CLASP1: variants seen among roughly 807,000 people sequenced by gnomAD.
CLASP1 encodes CLIP-associating protein 1.
Under a neutral mutation model 192.3 loss-of-function variants are expected in CLASP1, and 38 were observed. That is an observed-to-expected ratio of 0.20 (90% CI 0.15 to 0.26). The LOEUF is 0.26. Ranked by LOEUF, CLASP1 falls within the 10% of genes least tolerant of loss-of-function variation. The pLI is 1.00. For missense variants in CLASP1, 1,433 were observed against 1,932.5 expected, an observed-to-expected ratio of 0.74 and a Z score of 4.85; for synonymous variants, 691 against 712.8, an observed-to-expected ratio of 0.97 and a Z score of 0.49.
chr2:121,641,726 T>C (rs2072121242), intron 1 of CLASP1, among the ~76,000 whole-genome samples: 1 of 152,210 alleles, frequency 6.6e-6, no homozygotes, highest in South Asian at 2.1e-4. Context: ...CTACACCTCA[T>C]ATAATAGCAA....
intron 8 of CLASP1, among the ~76,000 whole-genome samples, chr2:121,484,139 GA>G (rs2092811735): frequency 6.6e-6 from 1 of 152,128 alleles, no homozygotes; most frequent in Non-Finnish European, 1.5e-5. Context: ...TAAGGTACAG[GA>G]TATCTTTAAA....
chr2:121,363,719 C>CAACACAGCCTGTAAG (rs145921747), intron 36 of CLASP1, among the ~76,000 whole-genome samples: 5,623 of 152,266 alleles, frequency 0.037, 153 homozygotes, highest in East Asian at 0.14. Flanking sequence ...GATGTTTCAT[C>CAACACAGCCTGTAAG]AACACAGCCT....
rs184714621 is a variant in CLASP1, at chr2:121,497,465, A to G, written c.712+5702T>C. 3.3e-5 allele frequency among the ~76,000 whole-genome samples: 5 copies of G among 152,344 alleles called. No individual in the cohort carries two copies. In the East Asian group the frequency reaches 9.6e-4, roughly 29 times the overall value. On this transcript the variant is annotated intron_variant, in intron 8 of 39. Transcript: ENST00000263710. ...TGTCAGACAGGTAGCTGTTTCACAT[A>G]CAGTTCCAATCCTGTACCAAGATCT...
At chr2:121,363,335 C>T in intron 36 of CLASP1, 35 bp from the exon 38 acceptor site, 1 of 1,610,094 alleles carries the variant, frequency 6.2e-7, no homozygotes, top group Non-Finnish European at 8.5e-7. Flanking sequence ...CATCACCAAA[C>T]ACCACACAGC....
At chr2:121,410,399 A>T (rs189690650) in intron 24 of CLASP1, among the ~76,000 whole-genome samples, 60 of 152,326 alleles carry the variant, frequency 3.9e-4, no homozygotes, top group African/African-American at 1.4e-3. Context: ...ATAAAATCAA[A>T]CAGACAAGAT....
intron 37 of CLASP1, among the ~76,000 whole-genome samples, chr2:121,361,893 T>C (rs2066477418): frequency 6.6e-6 from 1 of 152,252 alleles, no homozygotes; most frequent in South Asian, 2.1e-4. Context: ...CCATCCCCTG[T>C]GTACTGTGTG....
At chr2:121,404,010 C>T (rs925660394) in intron 26 of CLASP1, among the ~76,000 whole-genome samples, 2 of 152,144 alleles carry the variant, frequency 1.3e-5, no homozygotes, top group South Asian at 2.1e-4. Context: ...ATTTTCTTCA[C>T]TACTATAACA....
chr2:121,609,536 T>C lies in CLASP1; in HGVS notation c.-285-3356A>G, dbSNP rs543169847. ...TTTTTTCATGTTTTTGTGTGTTTTC[T>C]ACATCTCTATTTTCAGGGAATATTA... On this transcript the variant is annotated intron_variant, in intron 1 of 39. Transcript: ENST00000263710. Among the ~76,000 whole-genome samples, 6 of 152,358 alleles carry C rather than the reference T, an allele frequency of 3.9e-5. No individual in the cohort carries two copies. The South Asian group carries it at 1.2e-3, about 32-fold the overall frequency.
Position 121,515,706 on chromosome 2 carries a change from A to T in CLASP1, c.603T>A (p.Arg201=), listed in dbSNP as rs772724342. The change falls in exon 7 of 40, where the codon CGT becomes CGA. Residue 201 remains arginine (R), a synonymous_variant. Coordinates refer to ENST00000263710, the Ensembl canonical transcript of CLASP1. ...CTTTTTTACTGAGATCTGCCCTCACACGTTCTCCTACATGTCTGTAAATTT... is the reference window on the plus strand; with the variant it reads ...CTTTTTTACTGAGATCTGCCCTCACTCGTTCTCCTACATGTCTGTAAATTT... The T allele has an allele frequency of 2.5e-6, 4 of 1,613,834 alleles. No individual in the cohort carries two copies. In the African/African-American group the frequency reaches 5.3e-5, roughly 22 times the overall value.
At chr2:121,432,220 G>A (rs189684334) in intron 19 of CLASP1, among the ~76,000 whole-genome samples, 75 of 152,224 alleles carry the variant, frequency 4.9e-4, no homozygotes, top group African/African-American at 1.6e-3. Flanking sequence ...GGGATCAAGC[G>A]ATTCTCTTGC....
chr2:121,492,896 T>C (rs763634488), intron 8 of CLASP1, among the ~76,000 whole-genome samples: 2 of 152,186 alleles, frequency 1.3e-5, no homozygotes, highest in Non-Finnish European at 2.9e-5. Context: ...AGCAGCACTA[T>C]TCACAATAGA....
chr2:121,369,640 G>A (rs2068183691), intron 34 of CLASP1, among the ~76,000 whole-genome samples: 2 of 152,188 alleles, frequency 1.3e-5, no homozygotes, highest in African/African-American at 4.8e-5. Context: ...CAGGAACCCG[G>A]TGTGCACGCT....
chr2:121,603,291 G>T (rs987184144), intron 2 of CLASP1: 1 of 151,812 alleles, frequency 6.6e-6, no homozygotes, highest in African/African-American at 2.4e-5. Context: ...CTCAAAGGAA[G>T]ACATACCAAT....
At chr2:121,631,412 C>A (rs1362582863) in intron 1 of CLASP1, among the ~76,000 whole-genome samples, 1 of 150,532 alleles carries the variant, frequency 6.6e-6, no homozygotes, top group Non-Finnish European at 1.5e-5. Flanking sequence ...CTCAGCCTCC[C>A]GAATAGCTGG....
chr2:121,354,674 C>G (rs1558843008), intron 37 of CLASP1, among the ~76,000 whole-genome samples: 1 of 151,928 alleles, frequency 6.6e-6, no homozygotes, highest in Non-Finnish European at 1.5e-5. Context: ...TTTTCAAAAC[C>G]TGGAGAAAGA....
In CLASP1 at chr2:121,497,961, G is replaced by A. The variant is rs535878859; in HGVS notation, c.712+5206C>T. ...AGGATGGTCTCAATCTCCTGACCTCGTGATCCGCCCGCCTTGGCCTCCCAA... is the reference window on the plus strand; with the variant it reads ...AGGATGGTCTCAATCTCCTGACCTCATGATCCGCCCGCCTTGGCCTCCCAA... On this transcript the variant is annotated intron_variant, in intron 8 of 39. Coordinates refer to ENST00000263710, the Ensembl canonical transcript of CLASP1. 4.6e-3 allele frequency among the ~76,000 whole-genome samples: 703 copies of A among 152,170 alleles called. 2 individuals carry two copies. Among genetic ancestry groups the A allele is most frequent in the African/African-American group, 0.016 (682 of 41,532 alleles).
At chr2:121,456,404 G>A (rs1238279350) in intron 14 of CLASP1, among the ~76,000 whole-genome samples, 1 of 151,172 alleles carries the variant, frequency 6.6e-6, no homozygotes, top group Non-Finnish European at 1.5e-5. Context: ...TATAGTCCCA[G>A]CTACTTGGAA....
At chr2:121,538,107 T>C (rs973111666) in intron 2 of CLASP1, among the ~76,000 whole-genome samples, 3 of 152,100 alleles carry the variant, frequency 2.0e-5, no homozygotes, top group African/African-American at 7.2e-5. Flanking sequence ...AGCTAACTAA[T>C]TTTGGCAAGA....
At chr2:121,497,275 C>A (rs1466948207) in intron 8 of CLASP1, among the ~76,000 whole-genome samples, 2 of 152,112 alleles carry the variant, frequency 1.3e-5, no homozygotes, top group Non-Finnish European at 2.9e-5. Context: ...AAATGACACC[C>A]AATCTTTAAT....
Sources: gnomAD v4.1 joint callset for allele counts (sites outside exome capture counted in the v4.1 genomes callset) on GRCh38, gnomAD v4.1.1 for gene constraint, MANE v1.5 for transcripts, NCBI Gene and HGNC (gene_info 2026-07-23, HGNC 2026-07-21) for gene names.